The following DRC11 variants were observed in gnomAD, a reference collection of about 807,000 sequenced individuals.
DRC11 encodes dynein regulatory complex subunit 11.
the DRC11 span, chr2:236,363,797 G>A: frequency 6.2e-7 from 1 of 1,612,934 alleles, no homozygotes; most frequent in African/African-American, 1.3e-5. The surrounding 1 kb of genome is among the most constrained non-coding windows in gnomAD (Gnocchi z 5.6). Flanking sequence ...ACTGCATGCA[G>A]CATCATTTGG....
chr2:236,357,692 AATATCTGATATG>A, the DRC11 span, among the ~76,000 whole-genome samples: 338 of 88,192 alleles, frequency 3.8e-3, 2 homozygotes, highest in African/African-American at 0.013. Context: ...ACAATATGTA[AATATCTGATATG>A]TAAATATGTA....
chr2:236,497,574 A>G, the DRC11 span: 2 of 856,320 alleles, frequency 2.3e-6, no homozygotes, highest in South Asian at 1.8e-5. This position sits in a 1 kb window ranked among gnomAD's most constrained non-coding sequence, Gnocchi z 5.1. Context: ...ATAGCAAAAT[A>G]TAACACAGAA....
the DRC11 span, chr2:236,368,762 G>A: frequency 6.5e-6 from 1 of 154,652 alleles, no homozygotes; most frequent in African/African-American, 2.4e-5. Flanking sequence ...AAATCTGAGT[G>A]TAAAATGCAG....
chr2:236,359,348 AC>A, the DRC11 span, among the ~76,000 whole-genome samples: 1 of 152,214 alleles, frequency 6.6e-6, no homozygotes, highest in East Asian at 1.9e-4. This position sits in a 1 kb window ranked among gnomAD's most constrained non-coding sequence, Gnocchi z 4.3. Context: ...AATCCTCCAA[AC>A]ACAATGATCA....
At chr2:236,316,679 C>A in the DRC11 span, among the ~76,000 whole-genome samples, 6 of 152,078 alleles carry the variant, frequency 3.9e-5, no homozygotes, top group Non-Finnish European at 7.3e-5. This position sits in a 1 kb window ranked among gnomAD's most constrained non-coding sequence, Gnocchi z 6.8. Context: ...AGATGTGCAA[C>A]CCCAGTAGTC....
the DRC11 span, among the ~76,000 whole-genome samples, chr2:236,436,940 A>T: frequency 0.029 from 4,423 of 152,098 alleles, 213 homozygotes; most frequent in African/African-American, 0.1. Context: ...TAGCTTTTTT[A>T]AAAATTTATT....
the DRC11 span, chr2:236,333,263 C>T: frequency 6.8e-6 from 1 of 146,894 alleles, no homozygotes; most frequent in African/African-American, 2.6e-5. This position sits in a 1 kb window ranked among gnomAD's most constrained non-coding sequence, Gnocchi z 6.0. Flanking sequence ...CAAAAGACAA[C>T]ACAAAATAGG....
At chr2:236,409,515 C>T in the DRC11 span, among the ~76,000 whole-genome samples, 1 of 152,214 alleles carries the variant, frequency 6.6e-6, no homozygotes, top group Non-Finnish European at 1.5e-5. Flanking sequence ...TGGGCTGAGA[C>T]AATGGGGTTT....
chr2:236,450,786 T>C, the DRC11 span, among the ~76,000 whole-genome samples: 5 of 152,350 alleles, frequency 3.3e-5, no homozygotes, highest in East Asian at 9.6e-4. Context: ...TGTATGTTTA[T>C]GCTTTTGTAT....
the DRC11 span, among the ~76,000 whole-genome samples, chr2:236,504,330 T>C: frequency 6.6e-6 from 1 of 152,212 alleles, no homozygotes; most frequent in Admixed American, 6.5e-5. The surrounding 1 kb of genome is among the most constrained non-coding windows in gnomAD (Gnocchi z 5.0). Context: ...CACCACATTT[T>C]GTTTATCCAT....
the DRC11 span, among the ~76,000 whole-genome samples, chr2:236,334,874 C>T: frequency 5.3e-5 from 8 of 151,820 alleles, no homozygotes; most frequent in Admixed American, 3.3e-4. This position sits in a 1 kb window ranked among gnomAD's most constrained non-coding sequence, Gnocchi z 7.8. Flanking sequence ...GAAATGCACC[C>T]CAAGGAGAGA....
At chr2:236,417,511 T>C in the DRC11 span, among the ~76,000 whole-genome samples, 1 of 151,340 alleles carries the variant, frequency 6.6e-6, no homozygotes, top group African/African-American at 2.4e-5. Context: ...CCTCTATCAA[T>C]CCACTCTGAA....
chr2:236,386,943 G>T, the DRC11 span, among the ~76,000 whole-genome samples: 1 of 146,160 alleles, frequency 6.8e-6, no homozygotes, highest in Non-Finnish European at 1.5e-5. Flanking sequence ...TCAGGAGCAG[G>T]TTGTTCAGTT....
chr2:236,485,788 T>C, the DRC11 span, among the ~76,000 whole-genome samples: 2 of 152,126 alleles, frequency 1.3e-5, no homozygotes, highest in African/African-American at 4.8e-5. Flanking sequence ...GAGAATGGGC[T>C]CCTGTGGGAG....
the DRC11 span, among the ~76,000 whole-genome samples, chr2:236,404,174 A>AAAAAAGAAAAAG: frequency 1.3e-5 from 2 of 151,554 alleles, no homozygotes; most frequent in South Asian, 4.2e-4. Context: ...AAAAAAAAAA[A>AAAAAAGAAAAAG]AAAAAGAAAA....
At chr2:236,469,450 A>C in the DRC11 span, among the ~76,000 whole-genome samples, 1 of 152,194 alleles carries the variant, frequency 6.6e-6, no homozygotes, top group African/African-American at 2.4e-5. This position sits in a 1 kb window ranked among gnomAD's most constrained non-coding sequence, Gnocchi z 5.8. Flanking sequence ...TGAAGACATG[A>C]CTATCCCACT....
At chr2:236,438,706 C>T in the DRC11 span, among the ~76,000 whole-genome samples, 2 of 152,032 alleles carry the variant, frequency 1.3e-5, no homozygotes, top group African/African-American at 4.8e-5. Context: ...CTCAGCTCTG[C>T]ACCAAGCGGA....
the DRC11 span, among the ~76,000 whole-genome samples, chr2:236,357,890 GTATT>G: frequency 7.8e-3 from 638 of 81,654 alleles, 8 homozygotes; most frequent in African/African-American, 0.027. Context: ...CTATATAAAT[GTATT>G]TATAATATAT....
the DRC11 span, among the ~76,000 whole-genome samples, chr2:236,341,650 C>T: frequency 1.2e-4 from 18 of 152,260 alleles, no homozygotes; most frequent in African/African-American, 3.9e-4. Context: ...CTCAGAGGGC[C>T]GCAGGGATGC....
Sources: gnomAD v4.1 joint callset for allele counts (sites outside exome capture counted in the v4.1 genomes callset) on GRCh38, gnomAD v4.1.1 for gene constraint, Gnocchi (gnomAD v3.1) non-coding constraint, MANE v1.5 for transcripts, NCBI Gene and HGNC (gene_info 2026-07-23, HGNC 2026-07-21) for gene names.